The following COL26A1 variants were observed in gnomAD, a reference collection of about 807,000 sequenced individuals.
The protein encoded by COL26A1 is collagen type XXVI alpha 1 chain, also known as collagen alpha-1(XXVI) chain.
A neutral mutation model predicts 59.3 loss-of-function variants in COL26A1; 41 were observed. The observed-to-expected ratio is 0.69, with a 90% CI of 0.54 to 0.90. COL26A1 has a LOEUF of 0.90. COL26A1 is among the 40% of genes least tolerant of loss of function. The pLI, the probability that COL26A1 is intolerant of heterozygous loss-of-function variation, is 0.00. For missense variants in COL26A1, 612 were observed against 602.3 expected, an observed-to-expected ratio of 1.02 and a Z score of -0.17; for synonymous variants, 266 against 256.0, an observed-to-expected ratio of 1.04 and a Z score of -0.37.
intron 5 of COL26A1, among the ~76,000 whole-genome samples, chr7:101,543,709 G>A (rs1430444609): frequency 6.6e-6 from 1 of 152,210 alleles, no homozygotes; most frequent in Non-Finnish European, 1.5e-5. Context: ...CTGCAGCCTG[G>A]CTGTGTGAGC....
intron 2 of COL26A1, among the ~76,000 whole-genome samples, chr7:101,436,833 A>G (rs2130342207): frequency 6.6e-6 from 1 of 152,016 alleles, no homozygotes; most frequent in African/African-American, 2.4e-5. Flanking sequence ...CTCCTGCCTC[A>G]GCCCCCTGAG....
chr7:101,422,838 G>A (rs1158484694), intron 2 of COL26A1, among the ~76,000 whole-genome samples: 2 of 152,076 alleles, frequency 1.3e-5, no homozygotes, highest in Admixed American at 6.6e-5. Flanking sequence ...CAGGGGTCTC[G>A]CCATGTTGCC....
chr7:101,387,681 AGAG>A (rs1290095795), intron 1 of COL26A1, among the ~76,000 whole-genome samples: 16 of 138,340 alleles, frequency 1.2e-4, no homozygotes, highest in African/African-American at 4.4e-4. Context: ...ATATATATAA[AGAG>A]AGAGATTTTA....
At chr7:101,383,050 A>G (rs965465383) in intron 1 of COL26A1, among the ~76,000 whole-genome samples, 1 of 152,046 alleles carries the variant, frequency 6.6e-6, no homozygotes, top group African/African-American at 2.4e-5. Flanking sequence ...TCAAAAAAAC[A>G]AAAACAAGAA....
chr7:101,411,084 A>C (rs1377231470), intron 1 of COL26A1, among the ~76,000 whole-genome samples: 2 of 152,144 alleles, frequency 1.3e-5, no homozygotes, highest in Non-Finnish European at 2.9e-5. Context: ...CCCAACCTTG[A>C]GATGGCTCAG....
chr7:101,497,195 G>A (rs961288619), intron 3 of COL26A1, among the ~76,000 whole-genome samples: 7 of 151,948 alleles, frequency 4.6e-5, no homozygotes, highest in Non-Finnish European at 8.8e-5. Flanking sequence ...CCAAGATCAG[G>A]CCATTACACT....
intron 1 of COL26A1, among the ~76,000 whole-genome samples, chr7:101,412,577 G>T (rs754079723): frequency 6.6e-6 from 1 of 151,574 alleles, no homozygotes; most frequent in South Asian, 2.1e-4. Context: ...CCTGGGAGGC[G>T]GAGGTTGTAA....
At chr7:101,454,724 T>A (rs576160307) in intron 3 of COL26A1, among the ~76,000 whole-genome samples, 1 of 152,250 alleles carries the variant, frequency 6.6e-6, no homozygotes, top group South Asian at 2.1e-4. Context: ...AATATGTGTG[T>A]TAGATAAGCC....
At chr7:101,483,751 T>C (rs1262543067) in intron 3 of COL26A1, among the ~76,000 whole-genome samples, 3 of 151,456 alleles carry the variant, frequency 2.0e-5, no homozygotes, top group Non-Finnish European at 4.4e-5. Context: ...CTCAGCTCAC[T>C]GCAACCTCCA....
intron 1 of COL26A1, among the ~76,000 whole-genome samples, chr7:101,407,801 G>A (rs1305154397): frequency 6.6e-6 from 1 of 152,014 alleles, no homozygotes; most frequent in Non-Finnish European, 1.5e-5. Flanking sequence ...GCAATGACCT[G>A]ATAACCCAGC....
chr7:101,454,268 CTT>C (rs58969139), intron 3 of COL26A1, among the ~76,000 whole-genome samples: 6 of 137,288 alleles, frequency 4.4e-5, no homozygotes, highest in Admixed American at 7.7e-5. Context: ...TCTTTTCTTT[CTT>C]TTTTTTTTTT....
At chr7:101,409,825 A>C (rs1562966369) in intron 1 of COL26A1, among the ~76,000 whole-genome samples, 1 of 151,634 alleles carries the variant, frequency 6.6e-6, no homozygotes, top group Non-Finnish European at 1.5e-5. Flanking sequence ...CAGTGGTGTG[A>C]TCTCTGCTCA....
upstream of COL26A1, among the ~76,000 whole-genome samples, chr7:101,362,559 G>A (rs1041821488): frequency 4.6e-5 from 7 of 152,224 alleles, no homozygotes; most frequent in Non-Finnish European, 7.3e-5. Context: ...ATCGAGGGCA[G>A]TGTGGCGAGG....
chr7:101,439,339 GA>G (rs869082165), intron 2 of COL26A1, among the ~76,000 whole-genome samples: 5 of 134 alleles, frequency 0.037, no homozygotes, highest in African/African-American at 0.15. Flanking sequence ...AAGAGAGAGA[GA>G]CAAGAAAGAC....
intron 3 of COL26A1, among the ~76,000 whole-genome samples, chr7:101,504,629 G>A (rs980999245): frequency 1.3e-5 from 2 of 152,154 alleles, no homozygotes; most frequent in African/African-American, 2.4e-5. Flanking sequence ...CTCTGCCTCC[G>A]CCATCTCATT....
chr7:101,398,750 G>A (rs1415742662), intron 1 of COL26A1, among the ~76,000 whole-genome samples: 1 of 152,178 alleles, frequency 6.6e-6, no homozygotes, highest in African/African-American at 2.4e-5. Flanking sequence ...GCAGCGCGTA[G>A]AGTTCTCAGA....
chr7:101,461,248 T>C (rs926337190), intron 3 of COL26A1, among the ~76,000 whole-genome samples: 4 of 152,038 alleles, frequency 2.6e-5, no homozygotes, highest in Non-Finnish European at 5.9e-5. Context: ...GCTTTGGCCT[T>C]CCAAAGTGCT....
chr7:101,397,539 C>T (rs1859636), intron 1 of COL26A1, among the ~76,000 whole-genome samples: 6 of 125,792 alleles, frequency 4.8e-5, no homozygotes, highest in Non-Finnish European at 9.0e-5. Context: ...CCTCCCCCCC[C>T]CTCCTTTTTT....
chr7:101,549,450 C>T (rs1795814791), intron 9 of COL26A1, among the ~76,000 whole-genome samples: 1 of 152,162 alleles, frequency 6.6e-6, no homozygotes, highest in Non-Finnish European at 1.5e-5. Flanking sequence ...GGCGCCATCT[C>T]AGCTCATGCA....
Sources: gnomAD v4.1 joint callset for allele counts (sites outside exome capture counted in the v4.1 genomes callset) on GRCh38, gnomAD v4.1.1 for gene constraint, MANE v1.5 for transcripts, NCBI Gene and HGNC (gene_info 2026-07-23, HGNC 2026-07-21) for gene names.